ERC2: variants seen among roughly 807,000 people sequenced by gnomAD.
ERC2 encodes the protein ERC protein 2.
ERC2 carries 42 observed loss-of-function variants against 114.8 expected under a neutral mutation model. That is an observed-to-expected ratio of 0.37 (90% CI 0.29 to 0.47). The LOEUF (loss-of-function observed/expected upper bound fraction) is 0.47, where lower values mean the gene tolerates loss of function less well. Ranked by LOEUF, ERC2 falls within the 20% of genes least tolerant of loss-of-function variation. The pLI is 0.99. For missense variants in ERC2, 939 were observed against 1,150.7 expected (o/e 0.82, Z 2.66); for synonymous variants, 454 against 425.5 (o/e 1.07, Z -0.82).
In ERC2 at chr3:56,237,378, T is replaced by C. The variant is rs146896686; in HGVS notation, c.1074+58641A>G. On this transcript the variant is annotated intron_variant, in intron 3 of 17. Coordinates refer to ENST00000288221, the MANE Select transcript of ERC2 (RefSeq NM_015576.3). ...CATCTTTACTATGAAGCAACTCTGT[T>C]AAAAAAATTATTTTTCAGGTGCCAC... Among the ~76,000 whole-genome samples the C allele has an allele frequency of 1.2e-4, 18 of 152,294 alleles. No homozygotes were observed. In the East Asian group the frequency reaches 3.3e-3, roughly 28 times the overall value.
At chr3:55,799,727 G>C (rs1456256346) in intron 14 of ERC2, among the ~76,000 whole-genome samples, 1 of 151,934 alleles carries the variant, frequency 6.6e-6, no homozygotes, top group Non-Finnish European at 1.5e-5. Context: ...ATGTGGGAGT[G>C]GCCCCTCTCA....
intron 15 of ERC2, among the ~76,000 whole-genome samples, chr3:55,703,541 C>T (rs905345651): frequency 1.3e-5 from 2 of 152,362 alleles, no homozygotes; most frequent in East Asian, 3.9e-4. Flanking sequence ...TGGTAACTAA[C>T]TGCAGGTTCA....
At chr3:56,026,924 A>G (rs1329523858) in intron 7 of ERC2, among the ~76,000 whole-genome samples, 1 of 152,164 alleles carries the variant, frequency 6.6e-6, no homozygotes, top group African/African-American at 2.4e-5. Context: ...CCACACCACA[A>G]AAATCTCTTG....
chr3:56,179,843 T>C (rs938854911), intron 3 of ERC2, among the ~76,000 whole-genome samples: 1 of 152,166 alleles, frequency 6.6e-6, no homozygotes, highest in South Asian at 2.1e-4. Context: ...GGTGATTAAA[T>C]AGATGAGTCT....
chr3:56,228,502 G>T (rs2050396701), intron 3 of ERC2, among the ~76,000 whole-genome samples: 1 of 152,194 alleles, frequency 6.6e-6, no homozygotes, highest in Non-Finnish European at 1.5e-5. Flanking sequence ...ATGTCCTTAA[G>T]TTTCATCCAT....
chr3:56,443,902 A>G (rs958938222), intron 1 of ERC2, among the ~76,000 whole-genome samples: 2 of 151,540 alleles, frequency 1.3e-5, no homozygotes, highest in Non-Finnish European at 2.9e-5. Context: ...CTTATTATGA[A>G]GCCAAGACAG....
At chr3:55,708,557 C>T (rs182014898) in intron 15 of ERC2, among the ~76,000 whole-genome samples, 2 of 152,258 alleles carry the variant, frequency 1.3e-5, no homozygotes. Context: ...GGGTAAACAA[C>T]ACATATTTTA....
chr3:55,691,576 A>ATATATATATATG lies in ERC2; in HGVS notation c.2848-7718_2848-7717insCATATATATATA, dbSNP rs1193122864. On this transcript the variant is annotated intron_variant, in intron 16 of 17. Transcript: ENST00000288221. ...AAAAAAAAAAAAAAAAAAAAAAAAT[A>ATATATATATATG]TATATATATATATATATATATATAT... Among the ~76,000 whole-genome samples the ATATATATATATG allele has an allele frequency of 2.1e-4, 11 of 53,332 alleles. No homozygotes were observed. The East Asian group carries it at 3.4e-3, about 16-fold the overall frequency. 35.0% of individuals were successfully genotyped at this position (53,332 alleles called of 152,430 possible). A position where few individuals can be genotyped will look rare whatever the true frequency, so the allele number is the denominator to read the frequency against.
At chr3:55,545,536 C>T (rs1268284241) in intron 17 of ERC2, among the ~76,000 whole-genome samples, 2 of 152,204 alleles carry the variant, frequency 1.3e-5, no homozygotes, top group Non-Finnish European at 2.9e-5. Context: ...AGTTGAACAT[C>T]TCAGTAACTG....
chr3:55,994,691 C>G (rs2071368411), intron 10 of ERC2, among the ~76,000 whole-genome samples: 1 of 116,624 alleles, frequency 8.6e-6, no homozygotes, highest in Non-Finnish European at 1.7e-5. Context: ...GATAGGTTTA[C>G]AGAGACAGCG....
chr3:56,092,051 C>T (rs1211283795), intron 6 of ERC2, among the ~76,000 whole-genome samples: 2 of 152,116 alleles, frequency 1.3e-5, no homozygotes, highest in Middle Eastern at 3.2e-3. Flanking sequence ...TCATAATTTA[C>T]AGTACATGTT....
chr3:56,110,371 A>T (rs1322044402), intron 6 of ERC2, among the ~76,000 whole-genome samples: 1 of 152,196 alleles, frequency 6.6e-6, no homozygotes, highest in Non-Finnish European at 1.5e-5. Context: ...CAAGTGAAAA[A>T]TTTTAGAAAT....
intron 14 of ERC2, among the ~76,000 whole-genome samples, chr3:55,745,326 A>T (rs1259641582): frequency 1.3e-5 from 2 of 152,260 alleles, no homozygotes; most frequent in African/African-American, 4.8e-5. Flanking sequence ...GAAACTGAGA[A>T]ATGGAAATGT....
intron 7 of ERC2, among the ~76,000 whole-genome samples, chr3:56,019,524 A>T (rs1020256943): frequency 5.9e-5 from 9 of 152,188 alleles, no homozygotes; most frequent in Non-Finnish European, 1.2e-4. Context: ...GATATGCCAA[A>T]TGTTGTCAAG....
chr3:56,330,576 T>C (rs2057563984), intron 2 of ERC2, among the ~76,000 whole-genome samples: 1 of 152,186 alleles, frequency 6.6e-6, no homozygotes, highest in African/African-American at 2.4e-5. Context: ...GGATTTCAAC[T>C]TAATTACAGT....
At chr3:56,337,923 T>C (rs745848456) in intron 2 of ERC2, among the ~76,000 whole-genome samples, 2 of 152,152 alleles carry the variant, frequency 1.3e-5, no homozygotes, top group Non-Finnish European at 1.5e-5. Context: ...ACCAACCACA[T>C]GGTGCAAAAA....
chr3:55,883,196 A>G (rs1206588515), intron 14 of ERC2, among the ~76,000 whole-genome samples: 1 of 152,230 alleles, frequency 6.6e-6, no homozygotes, highest in Non-Finnish European at 1.5e-5. Context: ...GATTCACAAT[A>G]TCCAATATTA....
At chr3:56,260,084 C>T (rs567227424) in intron 3 of ERC2, among the ~76,000 whole-genome samples, 11 of 152,324 alleles carry the variant, frequency 7.2e-5, no homozygotes, top group Admixed American at 6.5e-4. Context: ...AGAGTCTGAA[C>T]TTTTCATACA....
intron 14 of ERC2, among the ~76,000 whole-genome samples, chr3:55,799,435 CCTTATATATATATGCATAT>C (rs1559674475): frequency 1.4e-5 from 1 of 71,316 alleles, no homozygotes; most frequent in African/African-American, 8.2e-5. Context: ...TATATATATG[CCTTATATATATATGCATAT>C]ATATATATAT....
Sources: gnomAD v4.1 joint callset for allele counts (sites outside exome capture counted in the v4.1 genomes callset) on GRCh38, gnomAD v4.1.1 for gene constraint, MANE v1.5 for transcripts, NCBI Gene and HGNC (gene_info 2026-07-23, HGNC 2026-07-21) for gene names.